Variants in MYL1 observed in about 807,000 individuals in gnomAD.
The protein encoded by MYL1 is myosin light chain 1/3, skeletal muscle isoform.
Under a neutral mutation model 21.8 loss-of-function variants are expected in MYL1, and 16 were observed. The observed-to-expected ratio is 0.74, with a 90% CI of 0.50 to 1.12. MYL1 has a LOEUF of 1.12. MYL1 is among the 50% of genes most tolerant of loss of function. MYL1 has a pLI of 0.00. For synonymous variants in MYL1, 99 were observed against 85.2 expected (o/e 1.16, Z -0.89); for missense variants, 246 against 241.0 (o/e 1.02, Z -0.14).
intron 3 of MYL1, 86 bp from the exon 4 acceptor site, chr2:210,294,504 T>A: frequency 7.6e-7 from 1 of 1,322,584 alleles, no homozygotes; most frequent in Non-Finnish European, 1.0e-6. Flanking sequence ...TTATTCTAGG[T>A]TATCTGAAAA....
chr2:210,300,108 T>G (rs1420528219), intron 2 of MYL1, among the ~76,000 whole-genome samples: 1 of 152,134 alleles, frequency 6.6e-6, no homozygotes, highest in African/African-American at 2.4e-5. Context: ...TTTTCATCTT[T>G]CTAAGGGACA....
At chr2:210,292,611 A>G (rs1690096058) in intron 5 of MYL1, among the ~76,000 whole-genome samples, 1 of 150,524 alleles carries the variant, frequency 6.6e-6, no homozygotes, top group African/African-American at 2.4e-5. Context: ...GGCTTTTGCC[A>G]TATAGATTTT....
intron 3 of MYL1, among the ~76,000 whole-genome samples, chr2:210,295,428 G>A (rs1038713498): frequency 3.9e-5 from 6 of 151,962 alleles, no homozygotes; most frequent in Non-Finnish European, 7.4e-5. Context: ...GAGCTCAGGA[G>A]TTTGAGACCA....
chr2:210,314,511 G>A (rs1690460552), intron 1 of MYL1, among the ~76,000 whole-genome samples: 1 of 152,114 alleles, frequency 6.6e-6, no homozygotes, highest in Non-Finnish European at 1.5e-5. Flanking sequence ...AAATAAGTAG[G>A]GGCTAAAACG....
intron 3 of MYL1, among the ~76,000 whole-genome samples, chr2:210,295,470 C>CA (rs1198711186): frequency 4.0e-5 from 6 of 150,600 alleles, no homozygotes; most frequent in East Asian, 3.9e-4. Context: ...CCCATCCCTA[C>CA]AAAAAAAACA....
chr2:210,296,479 A>T (rs1439255253), intron 3 of MYL1, among the ~76,000 whole-genome samples: 1 of 152,000 alleles, frequency 6.6e-6, no homozygotes, highest in Non-Finnish European at 1.5e-5. Flanking sequence ...GTAAGTTGGG[A>T]AGTGGCATTT....
intron 5 of MYL1, among the ~76,000 whole-genome samples, chr2:210,293,487 CA>C (rs1690113769): frequency 1.3e-5 from 2 of 152,124 alleles, no homozygotes; most frequent in Admixed American, 6.6e-5. Context: ...GAAGATCTAA[CA>C]AAAAATATAT....
At chr2:210,309,941 A>C (rs1690394044) in intron 1 of MYL1, among the ~76,000 whole-genome samples, 1 of 152,068 alleles carries the variant, frequency 6.6e-6, no homozygotes, top group South Asian at 2.1e-4. Context: ...ATCCATCAAA[A>C]TATAATTCTA....
intron 1 of MYL1, among the ~76,000 whole-genome samples, chr2:210,312,522 T>C (rs1481955171): frequency 6.6e-6 from 1 of 151,958 alleles, no homozygotes; most frequent in Non-Finnish European, 1.5e-5. Context: ...CCTCCTGGGA[T>C]AAAATTAAAG....
At chr2:210,307,495 G>A (rs1157599450) in intron 1 of MYL1, among the ~76,000 whole-genome samples, 1 of 152,106 alleles carries the variant, frequency 6.6e-6, no homozygotes, top group African/African-American at 2.4e-5. Flanking sequence ...TATTGTTTAT[G>A]TACCTTTATA....
At chr2:210,302,548 T>C (rs778457880) in intron 1 of MYL1, 33 bp from the exon 2 acceptor site, 1 of 1,600,130 alleles carries the variant, frequency 6.2e-7, no homozygotes, top group Non-Finnish European at 8.5e-7. Flanking sequence ...AAAGAATGTT[T>C]TAACCAAACA....
intron 1 of MYL1, among the ~76,000 whole-genome samples, chr2:210,310,343 AT>A (rs1690401171): frequency 1.3e-5 from 2 of 152,152 alleles, no homozygotes; most frequent in South Asian, 4.1e-4. Context: ...GTGGCATTGT[AT>A]TTCTGCATAC....
chr2:210,293,664 C>G (rs962286447), intron 5 of MYL1, 59 bp downstream of exon 5: 1 of 1,398,422 alleles, frequency 7.2e-7, no homozygotes, highest in Non-Finnish European at 1.0e-6. Context: ...TCAAAAGGAG[C>G]CCATCATCAA....
Position 210,315,155 on chromosome 2 carries a change from G to T in MYL1, c.-113C>A. The T allele has an allele frequency of 7.8e-7, 1 of 1,285,912 alleles. No homozygotes were observed. Among genetic ancestry groups the T allele is most frequent in the Non-Finnish European group, 1.1e-6 (1 of 919,850 alleles). 79.7% of individuals were successfully genotyped at this position (1,285,912 alleles called of 1,614,324 possible). A position where few individuals can be genotyped will look rare whatever the true frequency, so the allele number is the denominator to read the frequency against. ...GGGTTGATCCACAGCCCAGTGTCTT[G>T]AAGATGGACCCAGAGTGTTAAACGG... On this transcript the variant is annotated 5_prime_UTR_variant, in exon 1 of 7. Coordinates refer to ENST00000352451, the MANE Select transcript of MYL1 (RefSeq NM_079420.3).
intron 2 of MYL1, among the ~76,000 whole-genome samples, chr2:210,299,408 A>G (rs1345280657): frequency 6.6e-6 from 1 of 152,158 alleles, no homozygotes; most frequent in African/African-American, 2.4e-5. Context: ...GCAAAATTAT[A>G]TTATCATAAC....
At position 210,298,460 on chromosome 2, in the gene MYL1, A is replaced by G. The variant is rs145306902; in HGVS notation, c.264T>C (p.Asn88=). Residue 88 remains asparagine, a synonymous_variant, in exon 3 of 7, where the codon AAT becomes AAC. Transcript: ENST00000352451. ...TTCCCAGAACTTTCCTGACCTCTGC[A>G]TTGGTGGGATTTGTGCCCAGAGCTC... ...VLRALGTNPT[N]AEVRKVLGNP... 7.8e-5 allele frequency: 126 copies of G among 1,613,800 alleles called. 1 individual carries two copies. The highest frequency in any genetic ancestry group is 9.2e-5 in the Non-Finnish European group (108 of 1,179,958).
At position 210,293,157 on chromosome 2, in the gene MYL1, T is replaced by C. The variant is rs529360598; in HGVS notation, c.556+566A>G. Among the ~76,000 whole-genome samples, 4 of 152,350 alleles carry C rather than the reference T, an allele frequency of 2.6e-5. No individual in the cohort carries two copies. The South Asian group carries it at 8.3e-4, about 32-fold the overall frequency. On this transcript the variant is annotated intron_variant, in intron 5 of 6. Transcript: ENST00000352451. ...ATTTTTAAATTTGTAAATTATATTA[T>C]GCATCTTTGTTTTCTGTAGTGCATT...
At chr2:210,308,873 A>G (rs78694091) in intron 1 of MYL1, among the ~76,000 whole-genome samples, 4 of 69,958 alleles carry the variant, frequency 5.7e-5, no homozygotes, top group African/African-American at 2.1e-4. Flanking sequence ...TTTGTTCATT[A>G]TTTTAAAAAA....
At chr2:210,309,888 A>G (rs1366400492) in intron 1 of MYL1, among the ~76,000 whole-genome samples, 2 of 152,188 alleles carry the variant, frequency 1.3e-5, no homozygotes, top group East Asian at 3.9e-4. Flanking sequence ...ATTGGTGAAC[A>G]TATCTCTTCT....
Sources: gnomAD v4.1 joint callset for allele counts (sites outside exome capture counted in the v4.1 genomes callset) on GRCh38, gnomAD v4.1.1 for gene constraint, MANE v1.5 for transcripts, NCBI Gene and HGNC (gene_info 2026-07-23, HGNC 2026-07-21) for gene names.